The following SNTG2 variants were observed in gnomAD, a reference collection of about 807,000 sequenced individuals.
SNTG2 encodes syntrophin gamma 2.
A neutral mutation model predicts 70.9 loss-of-function variants in SNTG2; 74 were observed. The observed-to-expected ratio is 1.04, with a 90% CI of 0.86 to 1.27. The LOEUF is 1.27. Ranked by LOEUF, SNTG2 falls within the 50% of genes most tolerant of loss-of-function variation. SNTG2 has a pLI of 0.00. For synonymous variants in SNTG2, 278 were observed against 273.8 expected (o/e 1.02, Z -0.15); for missense variants, 717 against 690.7 (o/e 1.04, Z -0.43).
chr2:1,222,028 C>CTCTGTTTCTCT (rs1675104093), intron 9 of SNTG2, among the ~76,000 whole-genome samples: 1 of 1,386 alleles, frequency 7.2e-4, no homozygotes, highest in Non-Finnish European at 1.7e-3. Context: ...TCTGTCTCTG[C>CTCTGTTTCTCT]CTATCTCTGT....
intron 13 of SNTG2, among the ~76,000 whole-genome samples, chr2:1,260,682 T>C (rs1192872678): frequency 6.6e-6 from 1 of 152,248 alleles, no homozygotes; most frequent in Non-Finnish European, 1.5e-5. Context: ...GTGACAGGAA[T>C]GCATTATTTT....
intron 1 of SNTG2, among the ~76,000 whole-genome samples, chr2:1,039,705 A>T (rs1006981280): frequency 6.6e-6 from 1 of 152,020 alleles, no homozygotes; most frequent in South Asian, 2.1e-4. Context: ...ATTTATTGAC[A>T]TTTTTTTCTG....
intron 14 of SNTG2, among the ~76,000 whole-genome samples, chr2:1,273,413 C>T (rs959501383): frequency 6.6e-6 from 1 of 152,104 alleles, no homozygotes; most frequent in Non-Finnish European, 1.5e-5. Context: ...ATATCAGGTG[C>T]AACAGAATTT....
intron 16 of SNTG2, among the ~76,000 whole-genome samples, chr2:1,360,651 CAAA>C: frequency 6.6e-6 from 1 of 151,046 alleles, no homozygotes; most frequent in East Asian, 2.0e-4. Flanking sequence ...CACAAACAAA[CAAA>C]AAAAAAGTCT....
Position 986,496 on chromosome 2 carries a change from G to T in SNTG2, c.72+35428G>T, listed in dbSNP as rs527672665. 1.9e-4 allele frequency among the ~76,000 whole-genome samples: 29 copies of T among 152,318 alleles called. No homozygotes were observed. In the South Asian group the frequency reaches 5.2e-3, roughly 27 times the overall value. On this transcript the variant is annotated intron_variant, in intron 1 of 16. Transcript: ENST00000308624. ...GGAATGGACAGATGTTGTGAATGAGGTTGTCATGGTTAGTTAAAAAGGGAA... is the reference window on the plus strand; with the variant it reads ...GGAATGGACAGATGTTGTGAATGAGTTTGTCATGGTTAGTTAAAAAGGGAA...
chr2:1,138,699 G>A (rs545023347), intron 6 of SNTG2, among the ~76,000 whole-genome samples: 19 of 152,240 alleles, frequency 1.2e-4, no homozygotes, highest in South Asian at 6.2e-4. Flanking sequence ...GAGCCCTCAC[G>A]GGAGTTTAAT....
intron 1 of SNTG2, among the ~76,000 whole-genome samples, chr2:995,349 T>C (rs1344922843): frequency 2.6e-5 from 4 of 152,090 alleles, no homozygotes; most frequent in African/African-American, 9.7e-5. Context: ...ATTTACTGCA[T>C]ATGGGGTGGG....
chr2:1,061,863 C>A (rs150516056), intron 1 of SNTG2, among the ~76,000 whole-genome samples: 19 of 152,134 alleles, frequency 1.2e-4, no homozygotes, highest in African/African-American at 3.9e-4. Context: ...TAAAAATATT[C>A]CATTATTCTT....
intron 9 of SNTG2, among the ~76,000 whole-genome samples, chr2:1,223,642 A>T (rs2148052483): frequency 6.6e-6 from 1 of 152,352 alleles, no homozygotes. Context: ...GAGAACTATC[A>T]GTGACATCAT....
rs1286624885 is a variant in SNTG2, at chr2:1,300,367, A to C, written c.1285-8127A>C. Reference sequence around the variant, plus strand: ...TTCTGCAGGTCTCCTTCCACAATCCAGTCTGCTTTAGGCCGAAGAAAGCAT... The same window carrying C: ...TTCTGCAGGTCTCCTTCCACAATCCCGTCTGCTTTAGGCCGAAGAAAGCAT... On this transcript the variant is annotated intron_variant, in intron 14 of 16. Coordinates refer to ENST00000308624, the MANE Select transcript of SNTG2 (RefSeq NM_018968.4). 3.3e-5 allele frequency among the ~76,000 whole-genome samples: 5 copies of C among 152,336 alleles called. No homozygotes were observed. The East Asian group carries it at 9.7e-4, about 29-fold the overall frequency.
chr2:1,322,175 G>A (rs1024931086), intron 16 of SNTG2, among the ~76,000 whole-genome samples: 1 of 152,126 alleles, frequency 6.6e-6, no homozygotes, highest in Non-Finnish European at 1.5e-5. Flanking sequence ...TCTAAGCAGT[G>A]GCAACAAGCA....
intron 1 of SNTG2, among the ~76,000 whole-genome samples, chr2:991,402 C>CACAT (rs1187140629): frequency 6.6e-6 from 1 of 151,788 alleles, no homozygotes. Flanking sequence ...CACACACACA[C>CACAT]ACACAATTAT....
At chr2:1,361,574 C>T (rs1661146869) in intron 16 of SNTG2, among the ~76,000 whole-genome samples, 1 of 152,268 alleles carries the variant, frequency 6.6e-6, no homozygotes, top group African/African-American at 2.4e-5. Context: ...GATACCATCA[C>T]ATTTCAGTAA....
At chr2:999,209 T>C (rs1661787366) in intron 1 of SNTG2, among the ~76,000 whole-genome samples, 1 of 152,110 alleles carries the variant, frequency 6.6e-6, no homozygotes, top group Admixed American at 6.5e-5. Context: ...TCACAGGTCT[T>C]ATAAAACAAT....
chr2:1,073,852 A>G (rs1240139932), intron 1 of SNTG2, among the ~76,000 whole-genome samples: 1 of 152,208 alleles, frequency 6.6e-6, no homozygotes, highest in Admixed American at 6.5e-5. Context: ...TTAAATGGTT[A>G]TATGTTAAAA....
chr2:1,098,418 C>A lies in SNTG2; in HGVS notation c.325+8C>A. 1.2e-6 allele frequency: 2 copies of A among 1,613,908 alleles called. No individual in the cohort carries two copies. The highest frequency in any genetic ancestry group is 1.7e-6 in the Non-Finnish European group (2 of 1,179,832). On this transcript the variant is annotated splice_region_variant and intron_variant, in intron 4 of 16. Coordinates refer to ENST00000308624, the MANE Select transcript of SNTG2 (RefSeq NM_018968.4). ...TATTCGAAGACCAAGCAGGTAAAAA[C>A]AGCCAAAATGACCTGTGTATGCATC...
chr2:994,063 G>A (rs1661594310), intron 1 of SNTG2, among the ~76,000 whole-genome samples: 1 of 151,874 alleles, frequency 6.6e-6, no homozygotes, highest in Non-Finnish European at 1.5e-5. Flanking sequence ...GCAAACAATT[G>A]TCTGACCCAA....
intron 8 of SNTG2, among the ~76,000 whole-genome samples, chr2:1,185,052 CA>C (rs1672163043): frequency 6.6e-6 from 1 of 152,154 alleles, no homozygotes; most frequent in South Asian, 2.1e-4. Context: ...ACACCCATTC[CA>C]AATGGGAGAA....
At chr2:1,068,239 C>T (rs183584488) in intron 1 of SNTG2, 2 of 152,078 alleles carry the variant, frequency 1.3e-5, no homozygotes, top group African/African-American at 2.4e-5. Context: ...GCAGGGCGCC[C>T]GTAACTGTGT....
Sources: allele counts gnomAD v4.1 joint callset (sites outside exome capture counted in the v4.1 genomes callset), GRCh38; gene constraint gnomAD v4.1.1; transcripts MANE v1.5; gene names NCBI Gene and HGNC (gene_info 2026-07-23, HGNC 2026-07-21).